The following SLC12A6 variants were observed in gnomAD, a reference collection of about 807,000 sequenced individuals.
The protein encoded by SLC12A6 is K-Cl cotransporter 3.
A neutral mutation model predicts 135.3 loss-of-function variants in SLC12A6; 66 were observed. The ratio of observed to expected loss-of-function variants is 0.49; its 90% CI spans 0.40 to 0.60. The LOEUF (loss-of-function observed/expected upper bound fraction) is 0.60. Among genes scored for constraint, SLC12A6 ranks in the 20% least tolerant of loss-of-function variants. The probability of loss-of-function intolerance (pLI) is 0.00; values close to 1 mark genes in which losing one functional copy is unlikely to be tolerated. For missense variants in SLC12A6, 1,058 were observed against 1,452.3 expected (o/e 0.73, Z 4.41); for synonymous variants, 513 against 508.8 (o/e 1.01, Z -0.11).
At chr15:34,236,501 T>C (rs1374312952) in intron 23 of SLC12A6, among the ~76,000 whole-genome samples, 3 of 152,186 alleles carry the variant, frequency 2.0e-5, no homozygotes, top group Non-Finnish European at 4.4e-5. Flanking sequence ...TGTGCCACCA[T>C]GCCCGGCTAA....
chr15:34,255,168 C>T, intron 8 of SLC12A6, 94 bp downstream of exon 8: 1 of 1,030,476 alleles, frequency 9.7e-7, no homozygotes, highest in Non-Finnish European at 1.5e-6. Context: ...CTGATTTATT[C>T]CCACAGCTGA....
chr15:34,273,802 TGAAG>T (rs1415862972), intron 3 of SLC12A6, among the ~76,000 whole-genome samples: 1 of 151,778 alleles, frequency 6.6e-6, no homozygotes, highest in African/African-American at 2.4e-5. Flanking sequence ...TCACTTACAC[TGAAG>T]GAAGTATAAA....
intron 3 of SLC12A6, among the ~76,000 whole-genome samples, chr15:34,267,729 T>C (rs895916409): frequency 6.6e-6 from 1 of 152,204 alleles, no homozygotes; most frequent in Admixed American, 6.5e-5. Context: ...GCTTGTAACT[T>C]TGTGTTTTGG....
chr15:34,256,095 T>C, intron 7 of SLC12A6, 134 bp downstream of exon 7: 2 of 716,652 alleles, frequency 2.8e-6, no homozygotes, highest in East Asian at 2.7e-5. Context: ...CTACGTCCTA[T>C]AGACCATTAC....
chr15:34,317,957 C>T (rs2141112619), intron 2 of SLC12A6, among the ~76,000 whole-genome samples: 1 of 152,248 alleles, frequency 6.6e-6, no homozygotes, highest in African/African-American at 2.4e-5. Context: ...TCATCAAATA[C>T]TTTTTTTAAC....
intron 2 of SLC12A6, among the ~76,000 whole-genome samples, chr15:34,296,499 C>G (rs1163995047): frequency 6.6e-6 from 1 of 151,924 alleles, no homozygotes; most frequent in Non-Finnish European, 1.5e-5. Context: ...ACTGGTTGTT[C>G]CTAAAATTTA....
Position 34,238,275 on chromosome 15 carries a change from C to G in SLC12A6, c.2759G>C (p.Gly920Ala), listed in dbSNP as rs1891411526. Residue 920 changes from glycine (G) to alanine (A), a missense_variant, in exon 21 of 26, where the codon GGG becomes GCG. By Grantham distance (60) the Gly-to-Ala change is moderately conservative (BLOSUM62 0). Coordinates refer to ENST00000354181, the MANE Select transcript of SLC12A6 (RefSeq NM_001365088.1). ...GAATGGTAGTAGCATAAGCATCCCC[C>G]CATCATGCACAATCCACCACACATC... is the stretch of plus-strand genomic sequence containing the variant. ...NIDVWWIVHD[G>A]GMLMLLPFLL... 2 of 1,613,638 alleles carry G rather than the reference C, an allele frequency of 1.2e-6. No individual in the cohort carries two copies. The highest frequency in any genetic ancestry group is 1.7e-6 in the Non-Finnish European group (2 of 1,179,522).
intron 2 of SLC12A6, among the ~76,000 whole-genome samples, chr15:34,297,952 G>A (rs1025603640): frequency 6.6e-5 from 10 of 152,238 alleles, no homozygotes; most frequent in African/African-American, 2.2e-4. Flanking sequence ...AATAGACCAC[G>A]GCGGTCTGTC....
At chr15:34,327,151 A>G (rs964272170) in intron 2 of SLC12A6, among the ~76,000 whole-genome samples, 123 of 152,206 alleles carry the variant, frequency 8.1e-4, no homozygotes, top group African/African-American at 2.7e-3. Context: ...ATGACTTTTT[A>G]AAAAATGAAA....
intron 12 of SLC12A6, 96 bp from the exon 13 acceptor site, chr15:34,250,451 G>T: frequency 1.1e-6 from 1 of 894,626 alleles, no homozygotes; most frequent in South Asian, 1.3e-5. Flanking sequence ...AGTAAAATGA[G>T]CTGCTAAATA....
intron 2 of SLC12A6, among the ~76,000 whole-genome samples, chr15:34,287,585 C>T (rs578099694): frequency 6.6e-6 from 1 of 152,320 alleles, no homozygotes; most frequent in South Asian, 2.1e-4. Flanking sequence ...CTAATTTACA[C>T]TCCCACCAAC....
chr15:34,262,137 T>G (rs1893178812), intron 3 of SLC12A6, among the ~76,000 whole-genome samples: 1 of 152,246 alleles, frequency 6.6e-6, no homozygotes, highest in South Asian at 2.1e-4. Flanking sequence ...ATCCATGGAC[T>G]GAACTGAGAA....
At chr15:34,298,203 T>C (rs1193716059) in intron 2 of SLC12A6, among the ~76,000 whole-genome samples, 1 of 148,554 alleles carries the variant, frequency 6.7e-6, no homozygotes, top group Non-Finnish European at 1.5e-5. Context: ...AGAACAAAAA[T>C]AGGCCGCTCA....
intron 2 of SLC12A6, among the ~76,000 whole-genome samples, chr15:34,321,804 TCAA>T (rs1889110982): frequency 6.6e-6 from 1 of 152,212 alleles, no homozygotes; most frequent in Non-Finnish European, 1.5e-5. Flanking sequence ...CTAGATATGT[TCAA>T]CAACATGCAT....
chr15:34,242,175 T>TG lies in SLC12A6; in HGVS notation c.2088dup (p.Ile697HisfsTer22). Reference sequence around the variant, plus strand: ...ACAATGGCATAATACCAGGAAGAAATGAACATCAGAGCCAGACAGATACTC... The same window carrying TG: ...ACAATGGCATAATACCAGGAAGAAATGGAACATCAGAGCCAGACAGATACTC... On this transcript the variant is annotated frameshift_variant, in exon 17 of 26. Coordinates refer to ENST00000354181, the MANE Select transcript of SLC12A6 (RefSeq NM_001365088.1). LOFTEE classifies it high-confidence loss of function. 1 of 1,596,326 alleles carries TG rather than the reference T, an allele frequency of 6.3e-7. No individual in the cohort carries two copies. Among genetic ancestry groups the TG allele is most frequent in the Non-Finnish European group, 8.6e-7 (1 of 1,164,138 alleles).
At position 34,233,797 on chromosome 15, in the gene SLC12A6, G is replaced by A; in HGVS notation, c.*84C>T. 2.6e-6 allele frequency: 2 copies of A among 774,150 alleles called. No homozygotes were observed. Among genetic ancestry groups the A allele is most frequent in the South Asian group, 2.8e-5 (2 of 71,984 alleles). 48.0% of individuals were successfully genotyped at this position (774,150 alleles called of 1,614,324 possible). ...ACAGAACACAGGCTTCTAGTTGAGT[G>A]GGAGTGGTAGTAATGAGCTGGCACT... is the stretch of plus-strand genomic sequence containing the variant. On this transcript the variant is annotated 3_prime_UTR_variant, in exon 26 of 26. Coordinates refer to ENST00000354181, the MANE Select transcript of SLC12A6 (RefSeq NM_001365088.1).
At chr15:34,280,892 A>G (rs956683474) in intron 2 of SLC12A6, among the ~76,000 whole-genome samples, 7 of 152,216 alleles carry the variant, frequency 4.6e-5, no homozygotes, top group Non-Finnish European at 7.3e-5. Flanking sequence ...ACGTAGATGG[A>G]ACTGAAGGAC....
At chr15:34,305,665 A>T (rs1896558145) in intron 2 of SLC12A6, among the ~76,000 whole-genome samples, 1 of 152,050 alleles carries the variant, frequency 6.6e-6, no homozygotes, top group Admixed American at 6.5e-5. Flanking sequence ...AGGTGATAAT[A>T]ATTATTTAGG....
chr15:34,262,112 A>C (rs1346650946), intron 3 of SLC12A6, among the ~76,000 whole-genome samples: 3 of 152,244 alleles, frequency 2.0e-5, no homozygotes, highest in Non-Finnish European at 4.4e-5. Flanking sequence ...AAGCCTAGCT[A>C]CAAGTCCTGG....
Sources: allele counts gnomAD v4.1 joint callset (sites outside exome capture counted in the v4.1 genomes callset), GRCh38; gene constraint gnomAD v4.1.1; transcripts MANE v1.5; gene names NCBI Gene and HGNC (gene_info 2026-07-23, HGNC 2026-07-21).